The following NCKAP5 variants were observed in gnomAD, a reference collection of about 807,000 sequenced individuals.
The protein encoded by NCKAP5 is nck-associated protein 5.
In NCKAP5, 92 loss-of-function variants were observed where a neutral mutation model predicts 167.0. The ratio of observed to expected loss-of-function variants is 0.55; its 90% confidence interval spans 0.47 to 0.66. NCKAP5 has a LOEUF of 0.66. Among genes scored for constraint, NCKAP5 ranks in the 30% least tolerant of loss-of-function variants. The pLI is 0.00. For synonymous variants in NCKAP5, 891 were observed against 877.4 expected, an observed-to-expected ratio of 1.02 and a Z score of -0.27; for missense variants, 2,378 against 2,315.0, an observed-to-expected ratio of 1.03 and a Z score of -0.56.
At chr2:132,853,807 C>A (rs1246029087) in intron 11 of NCKAP5, among the ~76,000 whole-genome samples, 1 of 152,144 alleles carries the variant, frequency 6.6e-6, no homozygotes, top group Non-Finnish European at 1.5e-5. Flanking sequence ...AAACAAATAA[C>A]AACAAAACAC....
At chr2:133,126,542 C>T (rs981525286) in intron 6 of NCKAP5, among the ~76,000 whole-genome samples, 13 of 152,182 alleles carry the variant, frequency 8.5e-5, no homozygotes, top group Non-Finnish European at 1.3e-4. Context: ...GCTCAACTTT[C>T]CAGATATAAG....
chr2:133,606,601 A>C, the NCKAP5 span, among the ~76,000 whole-genome samples: 3 of 152,162 alleles, frequency 2.0e-5, no homozygotes, highest in Non-Finnish European at 4.4e-5. Context: ...GATGTATCAG[A>C]ATTGGCTGGA....
the NCKAP5 span, among the ~76,000 whole-genome samples, chr2:133,653,756 C>T: frequency 1.3e-5 from 2 of 152,142 alleles, no homozygotes; most frequent in East Asian, 1.9e-4. Context: ...CCACGGGCAG[C>T]GCCTGTGTTT....
intron 2 of NCKAP5, among the ~76,000 whole-genome samples, chr2:133,540,874 G>A (rs557366079): frequency 9.0e-5 from 13 of 145,050 alleles, no homozygotes; most frequent in African/African-American, 2.8e-4. Flanking sequence ...AGGTGGAGGT[G>A]CAGCAAGCCG....
intron 11 of NCKAP5, among the ~76,000 whole-genome samples, chr2:132,845,847 A>G (rs145791357): frequency 6.6e-6 from 1 of 152,294 alleles, no homozygotes; most frequent in East Asian, 1.9e-4. Flanking sequence ...TTGAAAATGC[A>G]TTTAATTTTG....
At chr2:133,537,287 G>A (rs1685835896) in intron 2 of NCKAP5, among the ~76,000 whole-genome samples, 1 of 151,864 alleles carries the variant, frequency 6.6e-6, no homozygotes, top group African/African-American at 2.4e-5. Context: ...TTGATATCTT[G>A]CATTTCCATA....
intron 19 of NCKAP5, among the ~76,000 whole-genome samples, chr2:132,713,109 G>T (rs2709543): frequency 0.65 from 97,405 of 150,862 alleles, 31,460 homozygotes; most frequent in East Asian, 0.85. Flanking sequence ...CGTAAGAAAT[G>T]TGCATTTTTT....
chr2:133,241,072 C>T (rs937802511), intron 4 of NCKAP5, among the ~76,000 whole-genome samples: 1 of 152,168 alleles, frequency 6.6e-6, no homozygotes, highest in Non-Finnish European at 1.5e-5. Context: ...TGTTTCAAGC[C>T]TGTGACTAGC....
intron 19 of NCKAP5, among the ~76,000 whole-genome samples, chr2:132,708,628 A>C (rs140915118): frequency 6.6e-6 from 1 of 152,156 alleles, no homozygotes; most frequent in East Asian, 1.9e-4. Flanking sequence ...GATGGGGGAA[A>C]CTCACCATCC....
At chr2:133,038,050 T>C (rs1042442684) in intron 6 of NCKAP5, among the ~76,000 whole-genome samples, 1 of 152,086 alleles carries the variant, frequency 6.6e-6, no homozygotes, top group Non-Finnish European at 1.5e-5. Flanking sequence ...CTAAGGAGAA[T>C]AGTTTAGAGA....
chr2:133,233,317 G>T (rs979345527), intron 4 of NCKAP5, among the ~76,000 whole-genome samples: 4 of 152,078 alleles, frequency 2.6e-5, no homozygotes, highest in African/African-American at 9.7e-5. Flanking sequence ...ACACTACTTT[G>T]GTCATTGACC....
intron 4 of NCKAP5, among the ~76,000 whole-genome samples, chr2:133,253,737 T>G (rs72985674): frequency 0.026 from 4,009 of 152,288 alleles, 160 homozygotes; most frequent in African/African-American, 0.087. Flanking sequence ...CAAGGCCAAA[T>G]GTGTATTTTA....
At chr2:133,377,052 G>A (rs868752097) in intron 3 of NCKAP5, among the ~76,000 whole-genome samples, 6 of 152,122 alleles carry the variant, frequency 3.9e-5, no homozygotes, top group Non-Finnish European at 7.3e-5. Context: ...GGTATTAGGG[G>A]AAACTAACAT....
chr2:132,699,682 G>C (rs1177593940), intron 19 of NCKAP5, among the ~76,000 whole-genome samples: 1 of 152,184 alleles, frequency 6.6e-6, no homozygotes, highest in African/African-American at 2.4e-5. Context: ...TGGCTGCATA[G>C]TATTCCATGG....
At chr2:132,799,995 G>A (rs560206467) in intron 11 of NCKAP5, among the ~76,000 whole-genome samples, 1 of 152,076 alleles carries the variant, frequency 6.6e-6, no homozygotes, top group Non-Finnish European at 1.5e-5. Flanking sequence ...CAACCCCAAA[G>A]AAACTACATT....
At chr2:133,484,700 T>A (rs938440017) in intron 3 of NCKAP5, among the ~76,000 whole-genome samples, 2 of 152,204 alleles carry the variant, frequency 1.3e-5, no homozygotes, top group Non-Finnish European at 2.9e-5. Flanking sequence ...TTTAAAATAC[T>A]ATATAAAATT....
intron 7 of NCKAP5, among the ~76,000 whole-genome samples, chr2:132,976,802 T>C (rs2076990400): frequency 6.6e-6 from 1 of 151,704 alleles, no homozygotes; most frequent in Non-Finnish European, 1.5e-5. Flanking sequence ...TAAAACAAAA[T>C]AAAAAAAATT....
At chr2:132,789,323 A>G (rs1035056531) in intron 13 of NCKAP5, among the ~76,000 whole-genome samples, 1 of 152,190 alleles carries the variant, frequency 6.6e-6, no homozygotes, top group South Asian at 2.1e-4. Flanking sequence ...AACTCCTTAG[A>G]GGGAGCAATT....
chr2:133,624,191 G>A, the NCKAP5 span, among the ~76,000 whole-genome samples: 2 of 152,054 alleles, frequency 1.3e-5, no homozygotes, highest in African/African-American at 2.4e-5. Flanking sequence ...TACACTGCTC[G>A]GGTGATGGGC....
Sources: gnomAD v4.1 joint callset for allele counts (sites outside exome capture counted in the v4.1 genomes callset) on GRCh38, gnomAD v4.1.1 for gene constraint, MANE v1.5 for transcripts, NCBI Gene and HGNC (gene_info 2026-07-23, HGNC 2026-07-21) for gene names.